Variants in FIBCD1 observed in about 807,000 individuals in gnomAD.
FIBCD1 encodes the protein fibrinogen C domain-containing protein 1.
Under a neutral mutation model 45.1 loss-of-function variants are expected in FIBCD1, and 47 were observed. That is an observed-to-expected ratio of 1.04 (90% CI 0.82 to 1.33). The LOEUF is 1.33. Ranked by LOEUF, FIBCD1 falls within the 40% of genes most tolerant of loss-of-function variation. The pLI, the probability that FIBCD1 is intolerant of heterozygous loss-of-function variation, is 0.00. For missense variants in FIBCD1, 653 were observed against 682.2 expected, an observed-to-expected ratio of 0.96 and a Z score of 0.48; for synonymous variants, 313 against 308.1, an observed-to-expected ratio of 1.02 and a Z score of -0.17.
chr9:130,938,424 C>T (rs1832554643), intron 1 of FIBCD1, 112 bp downstream of exon 1: 4 of 915,954 alleles, frequency 4.4e-6, no homozygotes, highest in Non-Finnish European at 5.9e-6. Flanking sequence ...TCCGGAGCCT[C>T]GAAGGGGTGC....
Position 130,903,923 on chromosome 9 carries a change from G to A in FIBCD1, c.*141C>T, listed in dbSNP as rs774882794. 27 of 1,116,720 alleles carry A rather than the reference G, an allele frequency of 2.4e-5. No individual in the cohort carries two copies. The South Asian group carries it at 3.2e-4, about 13-fold the overall frequency. The allele number at this position is 1,116,720 out of a possible 1,614,324, so 69.2% of individuals were successfully genotyped here. A position where few individuals can be genotyped will look rare whatever the true frequency, so the allele number is the denominator to read the frequency against. ...TGACTTCACCGGCCCAGGGAGCTTC[G>A]TGTCAGGGATGGCCCGGCCCCTCCC... On this transcript the variant is annotated 3_prime_UTR_variant, in exon 7 of 7. Coordinates refer to ENST00000372338, the MANE Select transcript of FIBCD1 (RefSeq NM_032843.5).
intron 1 of FIBCD1, chr9:130,930,924 G>A (rs1173968789): frequency 4.6e-6 from 2 of 432,070 alleles, no homozygotes; most frequent in Non-Finnish European, 9.5e-6. Context: ...TGGGGTAGCG[G>A]GCACCCATCA....
chr9:130,912,051 G>A (rs1832063765), intron 4 of FIBCD1, among the ~76,000 whole-genome samples, 163 bp from the exon 5 acceptor site: 1 of 151,926 alleles, frequency 6.6e-6, no homozygotes, highest in Admixed American at 6.5e-5. Flanking sequence ...CCCCTGGCCA[G>A]GGGCCTGGAA....
intron 1 of FIBCD1, among the ~76,000 whole-genome samples, chr9:130,936,578 C>T (rs979306738): frequency 6.6e-5 from 10 of 152,236 alleles, no homozygotes; most frequent in Admixed American, 2.0e-4. Context: ...AGGCGGGGCC[C>T]GGCCTGGAGG....
Position 130,904,357 on chromosome 9 carries a change from G to A in FIBCD1, c.1127-34C>T, listed in dbSNP as rs774508450. 13 of 1,570,770 alleles carry A rather than the reference G, an allele frequency of 8.3e-6. No individual in the cohort carries two copies. The South Asian group carries it at 1.1e-4, about 13-fold the overall frequency. ...GGGTGCACACAGGTGTGGGCACGGG[G>A]GGCACGGGTACACCCACTGGTGTTG... On this transcript the variant is annotated intron_variant, in intron 6 of 6. Coordinates refer to ENST00000372338, the MANE Select transcript of FIBCD1 (RefSeq NM_032843.5).
At position 130,923,843 on chromosome 9, in the gene FIBCD1, G is replaced by A. The variant is rs372848372; in HGVS notation, c.750C>T (p.Ser250=). 30 of 1,612,782 alleles carry A rather than the reference G, an allele frequency of 1.9e-5. No individual in the cohort carries two copies. Among genetic ancestry groups the A allele is most frequent in the African/African-American group, 6.7e-5 (5 of 74,934 alleles). The change falls in exon 4 of 7, where the codon AGC becomes AGT. Residue 250 remains serine (S), a synonymous_variant. Coordinates refer to ENST00000372338, the MANE Select transcript of FIBCD1 (RefSeq NM_032843.5). ...RPRDCLDVLL[S]GQQDDGVYSV... ...AGTAGACGCCATCGTCCTGCTGTCC[G>A]CTTAGGAGGACGTCCAGACAGTCTC... is the stretch of plus-strand genomic sequence containing the variant.
chr9:130,905,915 C>T (rs921375464), intron 5 of FIBCD1, among the ~76,000 whole-genome samples: 7 of 152,224 alleles, frequency 4.6e-5, no homozygotes, highest in Admixed American at 3.9e-4. Flanking sequence ...ACCTCCTCTG[C>T]CAACACATGT....
At chr9:130,917,287 AAGAC>A (rs151234153) in intron 4 of FIBCD1, among the ~76,000 whole-genome samples, 4,411 of 152,298 alleles carry the variant, frequency 0.029, 110 homozygotes, top group East Asian at 0.14. Flanking sequence ...CACGAGTGGG[AAGAC>A]AGACAGAGAG....
In FIBCD1 at chr9:130,911,845, C is replaced by T. The variant is rs1437459930; in HGVS notation, c.893G>A (p.Gly298Asp). ...AAAGCCGTCTCGGTACGCATCCCAG[C>T]CCCGGAAGAAGTTCACGGAGCCGTC... is the stretch of plus-strand genomic sequence containing the variant. Reference protein sequence around the residue: ...REDGSVNFFRGWDAYRDGFGR... With the variant: ...REDGSVNFFRDWDAYRDGFGR... The change falls in exon 5 of 7, where the codon GGC becomes GAC. Residue 298 changes from glycine to aspartate, a missense_variant. Physicochemically the swap from Gly to Asp is moderately conservative, Grantham distance 94. Coordinates refer to ENST00000372338, the MANE Select transcript of FIBCD1 (RefSeq NM_032843.5). 1 of 1,602,934 alleles carries T rather than the reference C, an allele frequency of 6.2e-7. No individual in the cohort carries two copies.
At chr9:130,921,980 A>G (rs1387387506) in intron 4 of FIBCD1, among the ~76,000 whole-genome samples, 3 of 152,094 alleles carry the variant, frequency 2.0e-5, no homozygotes, top group African/African-American at 7.2e-5. Flanking sequence ...TCGTCCCTCC[A>G]CCGGCCGCCT....
chr9:130,924,352 G>C lies in FIBCD1; in HGVS notation c.597C>G (p.Ser199=), dbSNP rs576776257. The C allele has an allele frequency of 1.9e-6, 3 of 1,609,534 alleles. No homozygotes were observed. In the South Asian group the frequency reaches 3.3e-5, roughly 18 times the overall value. The change falls in exon 3 of 7, where the codon TCC becomes TCG. Residue 199 remains serine (S), a synonymous_variant. Transcript: ENST00000372338. ...GCAGGGCATCCAGGATGTCGCTGAC[G>C]GAGTTCACCAGGTGAGCCATGTGGC... ...SQGHMAHLVN[S]VSDILDALQR...
At chr9:130,931,639 C>T (rs1267236672) in intron 1 of FIBCD1, among the ~76,000 whole-genome samples, 1 of 152,274 alleles carries the variant, frequency 6.6e-6, no homozygotes, top group African/African-American at 2.4e-5. Flanking sequence ...CGTGGCCGCA[C>T]ACGCTCTCGG....
intron 5 of FIBCD1, among the ~76,000 whole-genome samples, chr9:130,908,919 G>A (rs1268988660): frequency 3.3e-5 from 5 of 152,044 alleles, no homozygotes; most frequent in African/African-American, 7.2e-5. Flanking sequence ...GGGCGGCCCC[G>A]CCTCACCACC....
At chr9:130,936,190 C>A (rs971851749) in intron 1 of FIBCD1, 1 of 152,310 alleles carries the variant, frequency 6.6e-6, no homozygotes, top group African/African-American at 2.4e-5. Flanking sequence ...AGCCCAGGCC[C>A]AGAGAGGAGG....
At chr9:130,907,703 G>A (rs927808753) in intron 5 of FIBCD1, among the ~76,000 whole-genome samples, 3 of 152,110 alleles carry the variant, frequency 2.0e-5, no homozygotes, top group African/African-American at 7.2e-5. Context: ...TTCGAGACCA[G>A]CCTAGCCAAT....
chr9:130,927,398 G>A (rs1364860369), intron 2 of FIBCD1, among the ~76,000 whole-genome samples: 1 of 152,184 alleles, frequency 6.6e-6, no homozygotes, highest in Admixed American at 6.5e-5. Context: ...AGCCAGCCAA[G>A]CCCTGTAGCC....
At chr9:130,909,715 T>C (rs1832000934) in intron 5 of FIBCD1, among the ~76,000 whole-genome samples, 2 of 151,516 alleles carry the variant, frequency 1.3e-5, no homozygotes, top group African/African-American at 4.9e-5. Flanking sequence ...TTTGTTTAGA[T>C]AAATGAAGTT....
rs1222961196 is a variant in FIBCD1 at position 130,911,789 on chromosome 9, C to T, written c.946+3G>A. 1 of 1,594,900 alleles carries T rather than the reference C, an allele frequency of 6.3e-7. No individual in the cohort carries two copies. Among genetic ancestry groups the T allele is most frequent in the Admixed American group, 1.7e-5 (1 of 57,980 alleles). On this transcript the variant is annotated splice_donor_region_variant and intron_variant, in intron 5 of 6. Coordinates refer to ENST00000372338, the MANE Select transcript of FIBCD1 (RefSeq NM_032843.5). ...TGGGCCGGATGGTGGGTGGGGTGCT[C>T]ACCTAGCCAGTGCTCCCCGGTGAGC...
Position 130,904,048 on chromosome 9 carries a change from GACAAGGTGCACCAGTCTAGC to G in FIBCD1, c.1382_*15del, listed in dbSNP as rs769421737. ...GGCGACAGGGACCAGCAGGGCCAAGGACAAGGTGCACCAGTCTAGCGGTCCTCCCGGACCGGCCGGATCTT... is the reference window on the plus strand; with the variant it reads ...GGCGACAGGGACCAGCAGGGCCAAGGGGTCCTCCCGGACCGGCCGGATCTT... On this transcript the variant is annotated stop_lost and 3_prime_UTR_variant, in exon 7 of 7. Coordinates refer to ENST00000372338, the MANE Select transcript of FIBCD1 (RefSeq NM_032843.5). 221 of 1,611,128 alleles carry G rather than the reference GACAAGGTGCACCAGTCTAGC, an allele frequency of 1.4e-4. 1 individual carries two copies. In the Admixed American group the frequency reaches 1.4e-3, roughly 10 times the overall value.
Sources: allele counts gnomAD v4.1 joint callset (sites outside exome capture counted in the v4.1 genomes callset), GRCh38; gene constraint gnomAD v4.1.1; transcripts MANE v1.5; gene names NCBI Gene and HGNC (gene_info 2026-07-23, HGNC 2026-07-21).